Variants in TMEM117 observed in about 807,000 individuals in gnomAD.
The protein encoded by TMEM117 is transmembrane protein 117.
TMEM117 carries 27 observed loss-of-function variants against 52.4 expected under a neutral mutation model. The ratio of observed to expected loss-of-function variants is 0.51; its 90% CI spans 0.38 to 0.71. The LOEUF is 0.71. Among genes scored for constraint, TMEM117 ranks in the 30% least tolerant of loss-of-function variants. TMEM117 has a pLI of 0.00. For synonymous variants in TMEM117, 215 were observed against 206.3 expected, an observed-to-expected ratio of 1.04 and a Z score of -0.36; for missense variants, 556 against 630.5, an observed-to-expected ratio of 0.88 and a Z score of 1.26.
At chr12:43,806,925 G>A in the TMEM117 span, among the ~76,000 whole-genome samples, 1 of 152,190 alleles carries the variant, frequency 6.6e-6, no homozygotes, top group African/African-American at 2.4e-5. Flanking sequence ...GCTGATTTGA[G>A]TATCCCTCTG....
At chr12:44,037,641 A>G (rs767544547) in intron 3 of TMEM117, among the ~76,000 whole-genome samples, 1 of 152,128 alleles carries the variant, frequency 6.6e-6, no homozygotes, top group Non-Finnish European at 1.5e-5. Context: ...GGGCCCACCC[A>G]TGGCCACCCA....
intron 6 of TMEM117, among the ~76,000 whole-genome samples, chr12:44,301,440 C>G (rs751849708): frequency 6.6e-5 from 10 of 152,010 alleles, no homozygotes; most frequent in Non-Finnish European, 1.2e-4. Context: ...CTGAAGTGTT[C>G]AGAGAGTAGT....
At chr12:43,839,381 T>C (rs1943082641) in intron 1 of TMEM117, among the ~76,000 whole-genome samples, 1 of 152,108 alleles carries the variant, frequency 6.6e-6, no homozygotes, top group Admixed American at 6.6e-5. Context: ...ACCTAATCTC[T>C]TTCATACTCC....
chr12:43,974,569 G>A (rs573498287), intron 3 of TMEM117, among the ~76,000 whole-genome samples: 1 of 152,194 alleles, frequency 6.6e-6, no homozygotes, highest in African/African-American at 2.4e-5. Context: ...ATAGTGAGAA[G>A]ACTGCTCCTT....
At chr12:44,156,097 C>G (rs1030163492) in intron 4 of TMEM117, among the ~76,000 whole-genome samples, 2 of 152,032 alleles carry the variant, frequency 1.3e-5, no homozygotes, top group African/African-American at 4.8e-5. Flanking sequence ...ACATTTAAGG[C>G]TCAAGCAGGC....
chr12:44,143,691 A>T, intron 4 of TMEM117, 67 bp downstream of exon 4: 1 of 1,161,138 alleles, frequency 8.6e-7, no homozygotes, highest in Non-Finnish European at 1.2e-6. Context: ...TGTTGGACAG[A>T]CACTGCTTTT....
At chr12:44,070,872 A>T (rs890268539) in intron 3 of TMEM117, among the ~76,000 whole-genome samples, 1 of 152,144 alleles carries the variant, frequency 6.6e-6, no homozygotes, top group African/African-American at 2.4e-5. Context: ...GCTTTTCTCT[A>T]GTTGTCCCAG....
intron 2 of TMEM117, among the ~76,000 whole-genome samples, chr12:43,921,262 T>C (rs982290876): frequency 2.6e-5 from 4 of 152,214 alleles, no homozygotes; most frequent in Non-Finnish European, 4.4e-5. Context: ...TGATTATTTT[T>C]CCCCAGAACA....
At position 44,199,563 on chromosome 12, in the gene TMEM117, A is replaced by AG. The variant is rs564787973; in HGVS notation, c.511-11724dup. Among the ~76,000 whole-genome samples the AG allele has an allele frequency of 1.5e-3, 231 of 152,312 alleles. 3 individuals carry two copies. The highest frequency in any genetic ancestry group is 5.2e-3 in the African/African-American group (217 of 41,576). The stretch of plus-strand genomic sequence containing the variant: ...GTCAGGAAAATAATATTTCAGTGAT[A>AG]GGGAAATTCTTCCCTAATTGTCTCA... On this transcript the variant is annotated intron_variant, in intron 4 of 7. Coordinates refer to ENST00000266534, the MANE Select transcript of TMEM117 (RefSeq NM_032256.3).
At chr12:44,209,641 TTAGA>T (rs1182479605) in intron 4 of TMEM117, among the ~76,000 whole-genome samples, 2 of 152,178 alleles carry the variant, frequency 1.3e-5, no homozygotes, top group Non-Finnish European at 2.9e-5. Context: ...AGGCCCTATG[TTAGA>T]TAGAGCCTAC....
intron 3 of TMEM117, among the ~76,000 whole-genome samples, chr12:44,126,941 C>T (rs899919919): frequency 2.0e-5 from 3 of 152,138 alleles, no homozygotes; most frequent in Non-Finnish European, 2.9e-5. Context: ...TGTGTTGCAA[C>T]AAAATTCATG....
intron 5 of TMEM117, among the ~76,000 whole-genome samples, chr12:44,251,202 A>C (rs1373636793): frequency 1.3e-5 from 2 of 152,174 alleles, no homozygotes; most frequent in Non-Finnish European, 2.9e-5. Flanking sequence ...AATTAGATTT[A>C]CAACATTATT....
the TMEM117 span, among the ~76,000 whole-genome samples, chr12:43,824,932 TCAAAA>T: frequency 4.6e-5 from 7 of 152,254 alleles, no homozygotes; most frequent in East Asian, 5.8e-4. Flanking sequence ...AGACTCCGTC[TCAAAA>T]CAAAACAAAA....
At chr12:43,800,578 T>A in the TMEM117 span, 1 of 1,435,910 alleles carries the variant, frequency 7.0e-7, no homozygotes, top group Non-Finnish European at 9.8e-7. Context: ...AAACATAACA[T>A]TACAAAAGCA....
chr12:44,283,743 G>C (rs1401494266), intron 5 of TMEM117, among the ~76,000 whole-genome samples: 1 of 152,112 alleles, frequency 6.6e-6, no homozygotes, highest in East Asian at 1.9e-4. Flanking sequence ...TTGGGAAGGC[G>C]TGATTGGTTT....
At chr12:44,361,565 A>C (rs79463651) in intron 6 of TMEM117, among the ~76,000 whole-genome samples, 4,239 of 152,258 alleles carry the variant, frequency 0.028, 97 homozygotes, top group African/African-American at 0.055. Flanking sequence ...ACACTTATTA[A>C]ATATTGGTGA....
At chr12:43,949,874 T>TA (rs1246666357) in intron 3 of TMEM117, among the ~76,000 whole-genome samples, 1 of 152,196 alleles carries the variant, frequency 6.6e-6, no homozygotes, top group African/African-American at 2.4e-5. Flanking sequence ...TTTGTGATTT[T>TA]AATATACAGT....
intron 3 of TMEM117, among the ~76,000 whole-genome samples, chr12:44,017,564 T>A (rs900739675): frequency 1.3e-5 from 2 of 151,774 alleles, no homozygotes; most frequent in Admixed American, 6.6e-5. Flanking sequence ...CTTAGAGGGG[T>A]TTTTAGTTGA....
chr12:44,107,394 G>T (rs1293673210), intron 3 of TMEM117, among the ~76,000 whole-genome samples: 1 of 151,944 alleles, frequency 6.6e-6, no homozygotes, highest in African/African-American at 2.4e-5. Context: ...TTAGTCTCAG[G>T]TTTACATTAT....
Sources: gnomAD v4.1 joint callset for allele counts (sites outside exome capture counted in the v4.1 genomes callset) on GRCh38, gnomAD v4.1.1 for gene constraint, MANE v1.5 for transcripts, NCBI Gene and HGNC (gene_info 2026-07-23, HGNC 2026-07-21) for gene names.